CASZ1: variants seen among roughly 807,000 people sequenced by gnomAD.
CASZ1 encodes the protein castor zinc finger 1, also known as zinc finger protein castor homolog 1.
CASZ1 carries 28 observed loss-of-function variants against 135.2 expected under a neutral mutation model. That is an observed-to-expected ratio of 0.21 (90% CI 0.15 to 0.28). The LOEUF is 0.28. CASZ1 is among the 10% of genes least tolerant of loss of function. The pLI is 1.00. For missense variants in CASZ1, 2,161 were observed against 2,453.3 expected (o/e 0.88, Z 2.52); for synonymous variants, 1,068 against 1,073.4 (o/e 0.99, Z 0.10).
At chr1:10,667,429 A>G (rs1643270009) in intron 4 of CASZ1, among the ~76,000 whole-genome samples, 1 of 152,152 alleles carries the variant, frequency 6.6e-6, no homozygotes, top group African/African-American at 2.4e-5. Flanking sequence ...CACTCTACCC[A>G]GGTTCGTCCA....
At chr1:10,665,629 C>A in intron 4 of CASZ1, 58 bp from the exon 5 acceptor site, 1 of 1,465,146 alleles carries the variant, frequency 6.8e-7, no homozygotes, top group South Asian at 1.4e-5. Flanking sequence ...GAACAACCCA[C>A]CCTCCCGAAC....
chr1:10,644,884 C>G (rs746662293), intron 18 of CASZ1, 33 bp downstream of exon 18: 1 of 1,591,604 alleles, frequency 6.3e-7, no homozygotes, highest in East Asian at 2.2e-5. Flanking sequence ...ATGCCTGCTG[C>G]AAGTCCCTGC....
chr1:10,745,307 T>A (rs1357274346), intron 2 of CASZ1, among the ~76,000 whole-genome samples: 1 of 152,198 alleles, frequency 6.6e-6, no homozygotes, highest in Non-Finnish European at 1.5e-5. Flanking sequence ...GCATCATGCC[T>A]ATAAGACAGA....
chr1:10,736,281 G>C (rs544172116), intron 2 of CASZ1, among the ~76,000 whole-genome samples: 61 of 152,330 alleles, frequency 4.0e-4, no homozygotes, highest in African/African-American at 1.4e-3. Flanking sequence ...TCAGGTCCTA[G>C]AGAACACACA....
intron 2 of CASZ1, among the ~76,000 whole-genome samples, chr1:10,740,786 AC>A (rs1351509715): frequency 6.6e-6 from 1 of 152,034 alleles, no homozygotes; most frequent in Non-Finnish European, 1.5e-5. Context: ...CTGTGTCTCC[AC>A]AAAAAAAATT....
At position 10,657,260 on chromosome 1, in the gene CASZ1, C is replaced by T. The variant is rs1008032075; in HGVS notation, c.1410-524G>A. Among the ~76,000 whole-genome samples, 9 of 152,346 alleles carry T rather than the reference C, an allele frequency of 5.9e-5. No individual in the cohort carries two copies. The highest frequency in any genetic ancestry group is 1.2e-4 in the Non-Finnish European group (8 of 68,024). ...AGCAACGAGCTCACTCTCCAGCCGC[C>T]GCCGCCACCGCCAGGAACCTGTGCT... On this transcript the variant is annotated intron_variant, in intron 7 of 20. Coordinates refer to ENST00000377022, the MANE Select transcript of CASZ1 (RefSeq NM_001079843.3). This position sits in a 1 kb window ranked among gnomAD's most constrained non-coding sequence, Gnocchi z 5.7.
chr1:10,649,446 G>C lies in CASZ1; in HGVS notation c.2881-9C>G, dbSNP rs1292452065. On this transcript the variant is annotated splice_polypyrimidine_tract_variant and intron_variant, in intron 13 of 20. Transcript: ENST00000377022. ...GGGTTGCCCTGAGACATCTGTGAGG[G>C]ACAGAGGCCGAGCATGGGGCTGGGG... is the stretch of plus-strand genomic sequence containing the variant. The C allele has an allele frequency of 8.1e-6, 13 of 1,600,966 alleles. No individual in the cohort carries two copies. In the African/African-American group the frequency reaches 9.4e-5, roughly 12 times the overall value.
rs1484950831 is a variant in CASZ1, at chr1:10,699,418, A to G, written c.-23-5506T>C. 6.6e-6 allele frequency among the ~76,000 whole-genome samples: 1 copy of G among 152,184 alleles called. No individual in the cohort carries two copies. On this transcript the variant is annotated intron_variant, in intron 3 of 20. Coordinates refer to ENST00000377022, the MANE Select transcript of CASZ1 (RefSeq NM_001079843.3). The surrounding 1 kb of genome is among the most constrained non-coding windows in gnomAD (Gnocchi z 4.6). ...TCTAAAAGGTGCTCTCAGAGTCAGT[A>G]GAGCCTGGGGATGTGGCATCGGTGG... is the stretch of plus-strand genomic sequence containing the variant.
At chr1:10,644,115 C>T (rs1212786905) in intron 18 of CASZ1, among the ~76,000 whole-genome samples, 1 of 152,244 alleles carries the variant, frequency 6.6e-6, no homozygotes, top group East Asian at 1.9e-4. Flanking sequence ...GCAGCCCCCA[C>T]CCCTGCTGCC....
At chr1:10,779,918 T>C (rs12080805) in intron 1 of CASZ1, among the ~76,000 whole-genome samples, 6,480 of 152,220 alleles carry the variant, frequency 0.043, 185 homozygotes, top group Middle Eastern at 0.068. Flanking sequence ...TTTGCCCGAG[T>C]GACCCAGATC....
chr1:10,661,436 CAT>C (rs1643020313), intron 5 of CASZ1: 1 of 152,132 alleles, frequency 6.6e-6, no homozygotes, highest in Non-Finnish European at 1.5e-5. Flanking sequence ...GTCACATGCA[CAT>C]GATCCCATAC....
Position 10,648,516 on chromosome 1 carries a change from C to T in CASZ1, c.3159-377G>A, listed in dbSNP as rs1006080797. The T allele has an allele frequency of 1.3e-5, 3 of 228,560 alleles. No individual in the cohort carries two copies. The South Asian group carries it at 3.6e-4, about 28-fold the overall frequency. 14.2% of individuals were successfully genotyped at this position (228,560 alleles called of 1,614,324 possible). A position where few individuals can be genotyped will look rare whatever the true frequency, so the allele number is the denominator to read the frequency against. On this transcript the variant is annotated intron_variant, in intron 15 of 20. Transcript: ENST00000377022. Reference sequence around the variant, plus strand: ...AGCAGGCTTCCCCGCGGGCTACGGCCGAGGGTGCCTACGCGGTCGGAAAAG... The same window carrying T: ...AGCAGGCTTCCCCGCGGGCTACGGCTGAGGGTGCCTACGCGGTCGGAAAAG...
At chr1:10,674,006 C>G (rs565592934) in intron 4 of CASZ1, among the ~76,000 whole-genome samples, 1 of 152,360 alleles carries the variant, frequency 6.6e-6, no homozygotes, top group African/African-American at 2.4e-5. Flanking sequence ...AGAGCAGAAG[C>G]TCAGCTATGC....
At chr1:10,712,839 T>A (rs1285003498) in intron 2 of CASZ1, among the ~76,000 whole-genome samples, 1 of 152,218 alleles carries the variant, frequency 6.6e-6, no homozygotes, top group Non-Finnish European at 1.5e-5. Flanking sequence ...CTCTCCACCA[T>A]GCTCCCCAGA....
At position 10,747,025 on chromosome 1, in the gene CASZ1, C is replaced by T. The variant is rs1640056266; in HGVS notation, c.-77+13676G>A. Among the ~76,000 whole-genome samples, 1 of 152,234 alleles carries T rather than the reference C, an allele frequency of 6.6e-6. No homozygotes were observed. The highest frequency in any genetic ancestry group is 1.5e-5 in the Non-Finnish European group (1 of 68,042). ...CCCCATGGCTTCTCCCCTCATAGCC[C>T]CCGCTAACCAGGAGTGGACGCCCAG... On this transcript the variant is annotated intron_variant, in intron 2 of 20. Transcript: ENST00000377022. The surrounding 1 kb of genome is among the most constrained non-coding windows in gnomAD (Gnocchi z 4.3).
In CASZ1 at chr1:10,654,484, G is replaced by A. The variant is rs1642721498; in HGVS notation, c.1773C>T (p.Ala591=). The A allele has an allele frequency of 1.2e-6, 2 of 1,614,130 alleles. No homozygotes were observed. Among genetic ancestry groups the A allele is most frequent in the African/African-American group, 1.3e-5 (1 of 74,940 alleles). Residue 591 remains alanine, a synonymous_variant, in exon 10 of 21, where the codon GCC becomes GCT. Coordinates refer to ENST00000377022, the MANE Select transcript of CASZ1 (RefSeq NM_001079843.3). ...LINDGFQRFR[A]TEDCGTADCQ... is the part of the protein sequence containing the mutation. Reference sequence around the variant, plus strand: ...AGTCGGCTGTGCCACAGTCTTCGGTGGCTCGGAAGCGCTGGAAGCCGTCGT... The same window carrying A: ...AGTCGGCTGTGCCACAGTCTTCGGTAGCTCGGAAGCGCTGGAAGCCGTCGT...
chr1:10,639,817 A>C lies in CASZ1; in HGVS notation c.4405T>G (p.Cys1469Gly). The part of the protein sequence containing the change: ...CTRENCGYKF[C>G]GRTHMYKHAQ... The stretch of plus-strand genomic sequence containing the variant: ...TGCTTGTACATGTGCGTGCGCCCGC[A>C]GAACTTGTAGCCGCAGTTCTCGCGC... The change falls in exon 21 of 21, where the codon TGC (cysteine) becomes GGC (glycine). Residue 1469 changes from cysteine to glycine, a missense_variant. Transcript: ENST00000377022. The surrounding 1 kb of genome is among the most constrained non-coding windows in gnomAD (Gnocchi z 4.0). The C allele has an allele frequency of 6.2e-7, 1 of 1,610,228 alleles. No individual in the cohort carries two copies. Among genetic ancestry groups the C allele is most frequent in the Non-Finnish European group, 8.5e-7 (1 of 1,178,774 alleles).
At chr1:10,658,200 G>C (rs1251624824) in intron 7 of CASZ1, 6 of 366,014 alleles carry the variant, frequency 1.6e-5, no homozygotes, top group African/African-American at 1.2e-4. Flanking sequence ...CTGTGTGACA[G>C]CAGGACCCAG....
At chr1:10,685,958 C>T (rs554802050) in intron 4 of CASZ1, among the ~76,000 whole-genome samples, 1 of 152,236 alleles carries the variant, frequency 6.6e-6, no homozygotes, top group Non-Finnish European at 1.5e-5. Context: ...AGGGAGCCCA[C>T]AGGGGCAGCT....
Sources: gnomAD v4.1 joint callset for allele counts (sites outside exome capture counted in the v4.1 genomes callset) on GRCh38, gnomAD v4.1.1 for gene constraint, Gnocchi (gnomAD v3.1) non-coding constraint, MANE v1.5 for transcripts, NCBI Gene and HGNC (gene_info 2026-07-23, HGNC 2026-07-21) for gene names.